DNAJC6: variants seen among roughly 807,000 people sequenced by gnomAD.
DNAJC6 encodes the protein auxilin.
DNAJC6 carries 34 observed loss-of-function variants against 110.0 expected under a neutral mutation model. That is an observed-to-expected ratio of 0.31 (90% CI 0.24 to 0.41). The LOEUF (loss-of-function observed/expected upper bound fraction) is 0.41, where lower values mean the gene tolerates loss of function less well. Among genes scored for constraint, DNAJC6 ranks in the 10% least tolerant of loss-of-function variants. DNAJC6 has a pLI of 1.00. For synonymous variants in DNAJC6, 406 were observed against 437.2 expected (o/e 0.93, Z 0.89); for missense variants, 1,031 against 1,207.8 (o/e 0.85, Z 2.17).
intron 1 of DNAJC6, among the ~76,000 whole-genome samples, chr1:65,282,171 T>G (rs536084): frequency 0.79 from 120,440 of 152,088 alleles, 47,929 homozygotes; most frequent in East Asian, 1. Context: ...TGATCCTCCT[T>G]TGTTGGCCCT....
Position 65,309,722 on chromosome 1 carries a change from T to G in DNAJC6, c.-24T>G, listed in dbSNP as rs1261608445. 6.5e-7 allele frequency: 1 copy of G among 1,543,540 alleles called. No homozygotes were observed. The highest frequency in any genetic ancestry group is 8.7e-7 in the Non-Finnish European group (1 of 1,143,710). The stretch of plus-strand genomic sequence containing the variant: ...CCTTTTCGCTTCCCAGGTTGATTAT[T>G]TTCTCTTTTCTCCGGGCTTGCCCAT... On this transcript the variant is annotated 5_prime_UTR_variant, in exon 1 of 19. It adds an upstream start codon to the 5' untranslated region. Coordinates refer to ENST00000371069, the MANE Select transcript of DNAJC6 (RefSeq NM_001256864.2).
At position 65,344,490 on chromosome 1, in the gene DNAJC6, A is replaced by G. The variant is rs1645419105; in HGVS notation, c.194-20145A>G. ...CAGCTAGTGTGCCAGGGAAATAATTATCTGTCTCCTTAGCAACCCCCAATA... is the reference window on the plus strand; with the variant it reads ...CAGCTAGTGTGCCAGGGAAATAATTGTCTGTCTCCTTAGCAACCCCCAATA... On this transcript the variant is annotated intron_variant, in intron 1 of 18. Coordinates refer to ENST00000371069, the MANE Select transcript of DNAJC6 (RefSeq NM_001256864.2). Among the ~76,000 whole-genome samples, 2 of 152,076 alleles carry G rather than the reference A, an allele frequency of 1.3e-5. 1 individual carries two copies. Among genetic ancestry groups the G allele is most frequent in the South Asian group, 4.2e-4 (2 of 4,818 alleles).
chr1:65,309,467 C>T (rs935166785), upstream of DNAJC6: 33 of 1,033,592 alleles, frequency 3.2e-5, no homozygotes, highest in Non-Finnish European at 3.7e-5. Flanking sequence ...CCGGGCGGCT[C>T]CGCGGCGTTG....
chr1:65,384,544 C>T (rs1391135252), intron 6 of DNAJC6, among the ~76,000 whole-genome samples: 1 of 152,174 alleles, frequency 6.6e-6, no homozygotes, highest in Non-Finnish European at 1.5e-5. Context: ...GGAAGCCTCA[C>T]AATCATGGTG....
chr1:65,299,439 T>C (rs960670816), intron 1 of DNAJC6, among the ~76,000 whole-genome samples: 1 of 152,144 alleles, frequency 6.6e-6, no homozygotes, highest in Non-Finnish European at 1.5e-5. Context: ...GGTCCACAGC[T>C]CTGGGCTGGG....
At chr1:65,282,560 A>G (rs1653886505) in intron 1 of DNAJC6, among the ~76,000 whole-genome samples, 1 of 152,156 alleles carries the variant, frequency 6.6e-6, no homozygotes, top group Non-Finnish European at 1.5e-5. Context: ...TTCAGAGGAA[A>G]AATCAAGATA....
At chr1:65,323,976 A>G (rs2101425327) in intron 1 of DNAJC6, among the ~76,000 whole-genome samples, 1 of 152,324 alleles carries the variant, frequency 6.6e-6, no homozygotes, top group East Asian at 1.9e-4. Flanking sequence ...TGCTCACTGT[A>G]TTCCTTGCCC....
chr1:65,277,238 A>T (rs1048774448), intron 1 of DNAJC6, among the ~76,000 whole-genome samples: 4 of 152,164 alleles, frequency 2.6e-5, no homozygotes, highest in Non-Finnish European at 5.9e-5. Context: ...TTAATAAAGG[A>T]TATATGTTGA....
At chr1:65,286,952 A>G (rs1051145592) in intron 1 of DNAJC6, among the ~76,000 whole-genome samples, 1 of 152,198 alleles carries the variant, frequency 6.6e-6, no homozygotes, top group African/African-American at 2.4e-5. Flanking sequence ...CTTTGATCCC[A>G]CAACCCATGT....
intron 1 of DNAJC6, among the ~76,000 whole-genome samples, chr1:65,348,790 C>G (rs897199138): frequency 6.7e-6 from 1 of 150,346 alleles, no homozygotes; most frequent in Non-Finnish European, 1.5e-5. Flanking sequence ...ATTAAGTCTA[C>G]TCTCGTTATT....
intron 1 of DNAJC6, among the ~76,000 whole-genome samples, chr1:65,319,084 G>A (rs1645173726): frequency 6.6e-6 from 1 of 152,188 alleles, no homozygotes; most frequent in East Asian, 1.9e-4. Context: ...GCATTGCACA[G>A]GTGAATGACA....
intron 1 of DNAJC6, among the ~76,000 whole-genome samples, chr1:65,317,450 G>A (rs778634847): frequency 1.3e-5 from 2 of 152,194 alleles, no homozygotes; most frequent in Non-Finnish European, 2.9e-5. Context: ...ACAGGCCATA[G>A]TCTAGATGCA....
chr1:65,382,419 C>T (rs1645830599), intron 5 of DNAJC6, among the ~76,000 whole-genome samples: 1 of 152,130 alleles, frequency 6.6e-6, no homozygotes, highest in African/African-American at 2.4e-5. Context: ...TTTTAATCAA[C>T]AACTTTGATG....
intron 1 of DNAJC6, among the ~76,000 whole-genome samples, chr1:65,360,798 G>A (rs1417208845): frequency 6.6e-6 from 1 of 152,172 alleles, no homozygotes; most frequent in African/African-American, 2.4e-5. Flanking sequence ...CAGTAGGGGC[G>A]ACAGAGGCTC....
intron 1 of DNAJC6, among the ~76,000 whole-genome samples, chr1:65,320,462 T>C (rs1645187820): frequency 6.6e-6 from 1 of 152,234 alleles, no homozygotes; most frequent in Non-Finnish European, 1.5e-5. Flanking sequence ...ATCTAAGCTC[T>C]GACTTTGTCA....
chr1:65,378,466 G>A (rs757112076), intron 4 of DNAJC6, among the ~76,000 whole-genome samples: 10 of 152,166 alleles, frequency 6.6e-5, no homozygotes, highest in Non-Finnish European at 1.5e-4. Context: ...AGCTCTTGAA[G>A]TACATGTTCA....
At chr1:65,373,131 A>G (rs1419382468) in intron 4 of DNAJC6, among the ~76,000 whole-genome samples, 1 of 152,196 alleles carries the variant, frequency 6.6e-6, no homozygotes, top group African/African-American at 2.4e-5. Context: ...GCTGCAAATG[A>G]CAGGATTTCA....
At chr1:65,295,882 T>C (rs1402141371) in intron 1 of DNAJC6, among the ~76,000 whole-genome samples, 1 of 152,172 alleles carries the variant, frequency 6.6e-6, no homozygotes, top group Non-Finnish European at 1.5e-5. Context: ...GGCCCCATGG[T>C]AATACTCAGT....
chr1:65,411,092 A>G (rs1646124473), intron 17 of DNAJC6, among the ~76,000 whole-genome samples, 158 bp from the exon 18 acceptor site: 1 of 152,208 alleles, frequency 6.6e-6, no homozygotes, highest in Non-Finnish European at 1.5e-5. Flanking sequence ...GAGATTGAGG[A>G]GGAGAAGCAT....
Sources: gnomAD v4.1 joint callset for allele counts (sites outside exome capture counted in the v4.1 genomes callset) on GRCh38, gnomAD v4.1.1 for gene constraint, MANE v1.5 for transcripts, NCBI Gene and HGNC (gene_info 2026-07-23, HGNC 2026-07-21) for gene names.